Variants in PLCG2 observed in about 807,000 individuals in gnomAD.
PLCG2 encodes phospholipase C gamma 2, also known as 1-phosphatidylinositol 4,5-bisphosphate phosphodiesterase gamma-2.
A neutral mutation model predicts 175.6 loss-of-function variants in PLCG2; 69 were observed. The observed-to-expected ratio is 0.39, with a 90% confidence interval of 0.32 to 0.48. The LOEUF is 0.48. PLCG2 is among the 20% of genes least tolerant of loss of function. PLCG2 has a pLI of 0.91. For synonymous variants in PLCG2, 827 were observed against 624.0 expected, an observed-to-expected ratio of 1.33 and a Z score of -4.85; for missense variants, 1,798 against 1,650.9, an observed-to-expected ratio of 1.09 and a Z score of -1.54.
intron 12 of PLCG2, among the ~76,000 whole-genome samples, chr16:81,894,827 C>G (rs568408440): frequency 6.7e-6 from 1 of 150,160 alleles, no homozygotes. Context: ...AAGCTGAGAT[C>G]GCGCCGCTGC....
chr16:81,770,642 C>T lies in PLCG2; in HGVS notation c.-48+14676C>T, dbSNP rs544061552. Among the ~76,000 whole-genome samples, 16 of 151,852 alleles carry T rather than the reference C, an allele frequency of 1.1e-4. No homozygotes were observed. In the East Asian group the frequency reaches 2.5e-3, roughly 24 times the overall value. On this transcript the variant is annotated intron_variant, in intron 2 of 5. Transcript: ENST00000565054. ...AGGTGGGAGGATTGTATGAGCCCGG[C>T]GGAGAGGGCAGAGGTTGCAGTGAGC...
intron 2 of PLCG2, among the ~76,000 whole-genome samples, chr16:81,841,485 C>T (rs1348608580): frequency 2.0e-5 from 3 of 152,060 alleles, no homozygotes; most frequent in East Asian, 3.8e-4. Context: ...AAGTGATCTG[C>T]CCACTTCGGC....
chr16:81,770,772 G>C (rs1447895220), intron 2 of PLCG2, among the ~76,000 whole-genome samples: 3 of 152,048 alleles, frequency 2.0e-5, no homozygotes, highest in African/African-American at 7.2e-5. Flanking sequence ...AAATGGCCCA[G>C]ATCAGGCCGG....
At chr16:81,789,892 C>T (rs910513242) in intron 2 of PLCG2, among the ~76,000 whole-genome samples, 14 of 145,266 alleles carry the variant, frequency 9.6e-5, no homozygotes, top group African/African-American at 2.6e-4. Context: ...CCACTGTAGG[C>T]GCCGCCCTAG....
In PLCG2 at chr16:81,765,089, T is replaced by TC. The variant is rs1376191696; in HGVS notation, c.-48+9129dup. Among the ~76,000 whole-genome samples the TC allele has an allele frequency of 6.2e-3, 941 of 151,540 alleles. 11 individuals are homozygous for TC. The highest frequency in any genetic ancestry group is 0.022 in the African/African-American group (886 of 41,034). On this transcript the variant is annotated intron_variant, in intron 2 of 5. Coordinates refer to the PLCG2 transcript ENST00000565054. ...GGTGACAGAGTGAGATGAGACACTG[T>TC]CCCCCCACAAAAAAAATAAATCAAT...
At chr16:81,943,084 C>G (rs2143746439) in intron 30 of PLCG2, among the ~76,000 whole-genome samples, 1 of 152,254 alleles carries the variant, frequency 6.6e-6, no homozygotes, top group Admixed American at 6.5e-5. Context: ...CAGCCTGGAA[C>G]CATGCTATTG....
intron 7 of PLCG2, among the ~76,000 whole-genome samples, chr16:81,877,990 T>C (rs2143557582): frequency 7.5e-6 from 1 of 132,976 alleles, no homozygotes; most frequent in East Asian, 2.2e-4. Context: ...TTTTTTTTTT[T>C]TTTTTTTTTG....
At chr16:81,801,881 A>ATGT (rs1240534999) in intron 2 of PLCG2, among the ~76,000 whole-genome samples, 7 of 151,936 alleles carry the variant, frequency 4.6e-5, no homozygotes, top group African/African-American at 1.7e-4. Context: ...GGGTTTCACT[A>ATGT]TGTTGGTCAG....
intron 9 of PLCG2, among the ~76,000 whole-genome samples, chr16:81,887,244 C>T (rs990442827): frequency 4.6e-5 from 7 of 151,958 alleles, no homozygotes; most frequent in Admixed American, 2.0e-4. Flanking sequence ...CTCAGCCTCC[C>T]GAGTACCTGG....
chr16:81,827,972 C>A (rs1013674332), intron 2 of PLCG2, among the ~76,000 whole-genome samples: 1 of 151,654 alleles, frequency 6.6e-6, no homozygotes, highest in African/African-American at 2.4e-5. Context: ...TGCCTGTAAT[C>A]CCAGCTCTTT....
chr16:81,780,261 C>A (rs1910670139), intron 1 of PLCG2, among the ~76,000 whole-genome samples: 2 of 152,138 alleles, frequency 1.3e-5, no homozygotes. Context: ...GTTGAAGAAC[C>A]TTTTTGAGTC....
chr16:81,836,723 G>T (rs1016770833), intron 2 of PLCG2, among the ~76,000 whole-genome samples: 2 of 152,198 alleles, frequency 1.3e-5, no homozygotes, highest in African/African-American at 4.8e-5. Flanking sequence ...CTCAGCAACA[G>T]AGCAACACTA....
chr16:81,924,167 C>T (rs1013563697), intron 22 of PLCG2, among the ~76,000 whole-genome samples: 14 of 152,220 alleles, frequency 9.2e-5, no homozygotes, highest in Non-Finnish European at 1.9e-4. Flanking sequence ...GTTACCACTT[C>T]GCTTTTTAAC....
At chr16:81,873,645 C>T (rs1307039126) in intron 7 of PLCG2, among the ~76,000 whole-genome samples, 1 of 151,944 alleles carries the variant, frequency 6.6e-6, no homozygotes, top group African/African-American at 2.4e-5. Context: ...AAGATTTGCA[C>T]ATGGCTGGGA....
chr16:81,766,387 C>G (rs774293216), intron 2 of PLCG2, among the ~76,000 whole-genome samples: 1 of 152,124 alleles, frequency 6.6e-6, no homozygotes, highest in Non-Finnish European at 1.5e-5. Flanking sequence ...TTTTGTAACC[C>G]TCAAAAGCAA....
At chr16:81,757,896 C>G (rs923312410) in intron 2 of PLCG2, among the ~76,000 whole-genome samples, 1 of 152,192 alleles carries the variant, frequency 6.6e-6, no homozygotes, top group East Asian at 1.9e-4. Context: ...ATTTCATGTA[C>G]ATAGAATCAT....
At chr16:81,748,312 C>G (rs1179332692) in intron 1 of PLCG2, among the ~76,000 whole-genome samples, 2 of 151,888 alleles carry the variant, frequency 1.3e-5, no homozygotes, top group Non-Finnish European at 2.9e-5. Context: ...ATTGCTTGAA[C>G]CTGGAAGGTG....
chr16:81,800,289 G>C (rs1362465104), intron 2 of PLCG2, among the ~76,000 whole-genome samples: 1 of 152,138 alleles, frequency 6.6e-6, no homozygotes, highest in Non-Finnish European at 1.5e-5. Context: ...ATCGTGGCTT[G>C]CTGCACCTAT....
At chr16:81,907,586 C>A in intron 15 of PLCG2, 99 bp from the exon 16 acceptor site, 1 of 664,044 alleles carries the variant, frequency 1.5e-6, no homozygotes, top group Non-Finnish European at 2.7e-6. Flanking sequence ...AAAAGCACAT[C>A]CATAGTAGAT....
Sources: gnomAD v4.1 joint callset for allele counts (sites outside exome capture counted in the v4.1 genomes callset) on GRCh38, gnomAD v4.1.1 for gene constraint, MANE v1.5 for transcripts, NCBI Gene and HGNC (gene_info 2026-07-23, HGNC 2026-07-21) for gene names.